Variants in UBR2 observed in about 807,000 individuals in gnomAD.
The protein encoded by UBR2 is E3 ubiquitin-protein ligase UBR2.
In UBR2, 92 loss-of-function variants were observed where a neutral mutation model predicts 247.9. The ratio of observed to expected loss-of-function variants is 0.37; its 90% confidence interval spans 0.31 to 0.44. The LOEUF is 0.44. UBR2 is among the 20% of genes least tolerant of loss of function. The probability of loss-of-function intolerance (pLI) is 1.00; values close to 1 mark genes in which losing one functional copy is unlikely to be tolerated. For missense variants in UBR2, 1,613 were observed against 2,112.6 expected (o/e 0.76, Z 4.64); for synonymous variants, 672 against 693.5 (o/e 0.97, Z 0.49).
At chr6:42,647,638 C>T (rs905214253) in intron 21 of UBR2, among the ~76,000 whole-genome samples, 1 of 151,944 alleles carries the variant, frequency 6.6e-6, no homozygotes, top group Non-Finnish European at 1.5e-5. Flanking sequence ...ATTTCCCAAA[C>T]ATTTTAAAGA....
At chr6:42,629,617 A>ACTG (rs1270518999) in intron 11 of UBR2, among the ~76,000 whole-genome samples, 1 of 152,096 alleles carries the variant, frequency 6.6e-6, no homozygotes, top group Non-Finnish European at 1.5e-5. Flanking sequence ...AGATTATGCC[A>ACTG]CTGCACTCCA....
At chr6:42,663,521 T>C (rs1007028391) in intron 32 of UBR2, 102 bp downstream of exon 32, 2 of 1,205,654 alleles carry the variant, frequency 1.7e-6, no homozygotes, top group African/African-American at 3.1e-5. Context: ...AATTGCATAG[T>C]GTTTTCCAGA....
At chr6:42,645,813 A>G (rs1796721399) in intron 21 of UBR2, among the ~76,000 whole-genome samples, 1 of 152,208 alleles carries the variant, frequency 6.6e-6, no homozygotes, top group Non-Finnish European at 1.5e-5. Context: ...CTTGAGGAAG[A>G]TAAGGACACT....
intron 2 of UBR2, among the ~76,000 whole-genome samples, chr6:42,582,154 G>A (rs1198670178): frequency 6.6e-6 from 1 of 151,876 alleles, no homozygotes; most frequent in Non-Finnish European, 1.5e-5. Flanking sequence ...GTGGTGGCGG[G>A]CACCTGTAGT....
At chr6:42,624,635 A>T (rs1795218988) in intron 11 of UBR2, among the ~76,000 whole-genome samples, 1 of 152,052 alleles carries the variant, frequency 6.6e-6, no homozygotes, top group Admixed American at 6.6e-5. Context: ...GTTTTCAAGT[A>T]TAATTTGGTG....
chr6:42,690,309 T>C (rs1259729473), intron 46 of UBR2, among the ~76,000 whole-genome samples: 4 of 152,246 alleles, frequency 2.6e-5, no homozygotes, highest in African/African-American at 9.6e-5. Context: ...GTAGATGAGC[T>C]GCCCCAGGCG....
chr6:42,664,399 G>T (rs1035199173), intron 32 of UBR2: 3 of 152,196 alleles, frequency 2.0e-5, no homozygotes, highest in Non-Finnish European at 4.4e-5. Context: ...GTATGAATTT[G>T]ATAATGTCTG....
At chr6:42,619,445 A>ATTTTTTT (rs1368973049) in intron 11 of UBR2, 3 of 31,942 alleles carry the variant, frequency 9.4e-5, no homozygotes, top group Non-Finnish European at 1.8e-4. Flanking sequence ...ATATATATAT[A>ATTTTTTT]TATATATATT....
At chr6:42,583,055 G>A (rs2151910564) in intron 2 of UBR2, among the ~76,000 whole-genome samples, 1 of 152,098 alleles carries the variant, frequency 6.6e-6, no homozygotes, top group East Asian at 1.9e-4. Flanking sequence ...CTGAATACAA[G>A]TCCTTCGTCA....
chr6:42,582,608 T>C (rs1791984243), intron 2 of UBR2, among the ~76,000 whole-genome samples: 1 of 152,192 alleles, frequency 6.6e-6, no homozygotes. Flanking sequence ...TCCTTACCAA[T>C]AGGTGATGTT....
intron 38 of UBR2, among the ~76,000 whole-genome samples, chr6:42,675,335 G>C (rs1157621767): frequency 7.9e-5 from 12 of 152,084 alleles, no homozygotes; most frequent in Non-Finnish European, 1.8e-4. Context: ...TACCAATAGG[G>C]AAACTGAGGC....
At chr6:42,672,504 G>C (rs74899107) in intron 36 of UBR2, among the ~76,000 whole-genome samples, 1 of 151,952 alleles carries the variant, frequency 6.6e-6, no homozygotes, top group Non-Finnish European at 1.5e-5. Context: ...TATTAGAGGG[G>C]CTCCTCAAAA....
chr6:42,647,216 A>G (rs992838051), intron 21 of UBR2, among the ~76,000 whole-genome samples: 2 of 152,260 alleles, frequency 1.3e-5, no homozygotes, highest in Admixed American at 1.3e-4. Flanking sequence ...CAAGTTGTTC[A>G]ATTAGGAAGC....
At chr6:42,612,117 G>T in intron 7 of UBR2, 54 bp from the exon 8 acceptor site, 1 of 1,440,234 alleles carries the variant, frequency 6.9e-7, no homozygotes, top group Non-Finnish European at 9.3e-7. Context: ...ACTTTGTTCT[G>T]CCAATAGAAT....
intron 4 of UBR2, among the ~76,000 whole-genome samples, chr6:42,603,161 CA>C (rs1347827132): frequency 6.6e-6 from 1 of 152,100 alleles, no homozygotes; most frequent in Non-Finnish European, 1.5e-5. Context: ...TTAAAACTGT[CA>C]AAATCAAGCT....
intron 22 of UBR2, among the ~76,000 whole-genome samples, chr6:42,648,802 A>C (rs571781243): frequency 1.3e-5 from 2 of 152,292 alleles, no homozygotes; most frequent in South Asian, 4.1e-4. Flanking sequence ...TATTATGTTT[A>C]GATGTATATC....
intron 8 of UBR2, among the ~76,000 whole-genome samples, chr6:42,614,415 C>CGTACATACATACGTATATATGTAT (rs1554250447): frequency 0.63 from 56,180 of 89,152 alleles, 18,576 homozygotes; most frequent in East Asian, 0.76. Flanking sequence ...TATGTATGTA[C>CGTACATACATACGTATATATGTAT]GTACGTACAT....
intron 32 of UBR2, 34 bp from the exon 33 acceptor site, chr6:42,665,375 T>G: frequency 2.0e-6 from 3 of 1,499,500 alleles, no homozygotes; most frequent in Non-Finnish European, 2.8e-6. Context: ...GGAACAATAA[T>G]AAAACACTAA....
At chr6:42,596,602 G>A (rs1268873476) in intron 4 of UBR2, among the ~76,000 whole-genome samples, 2 of 152,052 alleles carry the variant, frequency 1.3e-5, no homozygotes, top group Admixed American at 6.6e-5. Context: ...GTGAATGAAT[G>A]GATAAACAAA....
Sources: allele counts gnomAD v4.1 joint callset (sites outside exome capture counted in the v4.1 genomes callset), GRCh38; gene constraint gnomAD v4.1.1; transcripts MANE v1.5; gene names NCBI Gene and HGNC (gene_info 2026-07-23, HGNC 2026-07-21).